Variants in INPP5D observed in about 807,000 individuals in gnomAD.
INPP5D encodes the protein inositol polyphosphate-5-phosphatase D.
INPP5D carries 33 observed loss-of-function variants against 122.9 expected under a neutral mutation model. The observed-to-expected ratio is 0.27, with a 90% CI of 0.20 to 0.36. INPP5D has a LOEUF of 0.36. INPP5D is among the 10% of genes least tolerant of loss of function. The pLI is 1.00. For missense variants in INPP5D, 1,053 were observed against 1,412.7 expected (o/e 0.75, Z 4.08); for synonymous variants, 584 against 576.2 (o/e 1.01, Z -0.19).
chr2:233,153,045 A>T (rs1693960580), intron 9 of INPP5D, among the ~76,000 whole-genome samples: 1 of 152,244 alleles, frequency 6.6e-6, no homozygotes, highest in Admixed American at 6.5e-5. Context: ...AACGTTTCAA[A>T]GGTAGACCAG....
intron 5 of INPP5D, among the ~76,000 whole-genome samples, chr2:233,136,427 C>T (rs1031075273): frequency 1.3e-5 from 2 of 150,762 alleles, no homozygotes; most frequent in African/African-American, 2.5e-5. Flanking sequence ...TGCAGTGAGC[C>T]GAGATGGTGC....
chr2:233,132,995 C>A lies in INPP5D; in HGVS notation c.665+2347C>A, dbSNP rs192852254. On this transcript the variant is annotated intron_variant, in intron 5 of 26. Coordinates refer to ENST00000445964, the MANE Select transcript of INPP5D (RefSeq NM_001017915.3). The stretch of plus-strand genomic sequence containing the variant: ...CCTCAACCTCCTGGGCTCAAGTGAG[C>A]CTCCCACCTCTCAGCCCCTATCCTT... Among the ~76,000 whole-genome samples, 1,014 of 151,236 alleles carry A rather than the reference C, an allele frequency of 6.7e-3. 9 individuals are homozygous for A. Among genetic ancestry groups the A allele is most frequent in the African/African-American group, 0.023 (951 of 41,244 alleles).
chr2:233,201,055 A>T (rs976910307), intron 25 of INPP5D, among the ~76,000 whole-genome samples: 3 of 152,186 alleles, frequency 2.0e-5, no homozygotes, highest in African/African-American at 7.2e-5. Context: ...ACAGGACAGG[A>T]TAGCCCTGAA....
rs762687461 is a variant in INPP5D at position 233,122,095 on chromosome 2, T to A, written c.199-12T>A. 2.5e-6 allele frequency: 4 copies of A among 1,613,522 alleles called. No homozygotes were observed. In the South Asian group the frequency reaches 4.4e-5, roughly 18 times the overall value. On this transcript the variant is annotated splice_polypyrimidine_tract_variant and intron_variant, in intron 2 of 26. Transcript: ENST00000445964. The stretch of plus-strand genomic sequence containing the variant: ...GTTAACATGTGCGTTTGTTTGGATG[T>A]TCTGTCCTCAGGCATCCGAAGGCGT...
At chr2:233,131,856 A>T (rs958725254) in intron 5 of INPP5D, among the ~76,000 whole-genome samples, 1 of 152,206 alleles carries the variant, frequency 6.6e-6, no homozygotes. Flanking sequence ...GGCTGTTTCA[A>T]TCTTAGCTTA....
rs971421616 is a variant in INPP5D, at chr2:233,206,735, G to A, written c.*27G>A. 2.0e-5 allele frequency: 15 copies of A among 766,792 alleles called. No individual in the cohort carries two copies. The highest frequency in any genetic ancestry group is 2.8e-5 in the South Asian group (2 of 72,050). 47.5% of individuals were successfully genotyped at this position (766,792 alleles called of 1,614,324 possible). ...GCCCTCAGTGAGCTGCCACTGAGTCGGGAGCCCAGAGGAACGGCGTGAAGC... is the reference window on the plus strand; with the variant it reads ...GCCCTCAGTGAGCTGCCACTGAGTCAGGAGCCCAGAGGAACGGCGTGAAGC... On this transcript the variant is annotated 3_prime_UTR_variant, in exon 27 of 27. Coordinates refer to ENST00000445964, the MANE Select transcript of INPP5D (RefSeq NM_001017915.3). The surrounding 1 kb of genome is among the most constrained non-coding windows in gnomAD (Gnocchi z 4.0).
Position 233,193,734 on chromosome 2 carries a change from A to G in INPP5D, c.2447-78A>G, listed in dbSNP as rs529086056. On this transcript the variant is annotated intron_variant, in intron 22 of 26. Coordinates refer to ENST00000445964, the MANE Select transcript of INPP5D (RefSeq NM_001017915.3). ...CCTGGGCTATAGTTTCAAAGGACCA[A>G]CTCTCCGGCCAAGAGTTTGGTGTTT... The G allele has an allele frequency of 2.9e-5, 47 of 1,608,902 alleles. No individual in the cohort carries two copies. The African/African-American group carries it at 5.2e-4, about 18-fold the overall frequency.
intron 1 of INPP5D, among the ~76,000 whole-genome samples, chr2:233,071,508 T>C (rs1188052063): frequency 6.6e-6 from 1 of 152,152 alleles, no homozygotes; most frequent in Non-Finnish European, 1.5e-5. Flanking sequence ...ATAAAATATT[T>C]TATTTTAGGT....
Position 233,078,535 on chromosome 2 carries a change from G to A in INPP5D, c.135-800G>A, listed in dbSNP as rs1006425307. Among the ~76,000 whole-genome samples, 10 of 152,322 alleles carry A rather than the reference G, an allele frequency of 6.6e-5. No individual in the cohort carries two copies. The highest frequency in any genetic ancestry group is 4.1e-4 in the South Asian group (2 of 4,826). On this transcript the variant is annotated intron_variant, in intron 1 of 26. Transcript: ENST00000445964. The surrounding 1 kb of genome is among the most constrained non-coding windows in gnomAD (Gnocchi z 4.6). ...ATTTGGGGGTGGCAGGGAGCTCAGC[G>A]GGAACGAGGTGCTGAGTGATCCCTG...
chr2:233,176,938 A>C (rs1037829236), intron 17 of INPP5D, among the ~76,000 whole-genome samples: 1 of 152,072 alleles, frequency 6.6e-6, no homozygotes, highest in African/African-American at 2.4e-5. Flanking sequence ...GTGAGCAGAG[A>C]CTGAGCTGAA....
At position 233,107,908 on chromosome 2, in the gene INPP5D, CTG is replaced by C. The variant is rs555770833; in HGVS notation, c.199-14198_199-14197del. Among the ~76,000 whole-genome samples, 62 of 152,326 alleles carry C rather than the reference CTG, an allele frequency of 4.1e-4. 1 individual carries two copies. The South Asian group carries it at 8.9e-3, about 22-fold the overall frequency. On this transcript the variant is annotated intron_variant, in intron 2 of 26. Coordinates refer to ENST00000445964, the MANE Select transcript of INPP5D (RefSeq NM_001017915.3). ...CTGCCACGGCACTCCCTTCTGCACA[CTG>C]AGATTCTGACCGAGACTGGCATTGG...
intron 5 of INPP5D, chr2:233,131,266 CAA>C (rs1451050963): frequency 6.4e-6 from 2 of 312,024 alleles, no homozygotes; most frequent in African/African-American, 4.5e-5. Context: ...GTTAAAAGTG[CAA>C]AAGTAAGGCT....
At chr2:233,146,866 A>C (rs1693774159) in intron 8 of INPP5D, among the ~76,000 whole-genome samples, 1 of 152,130 alleles carries the variant, frequency 6.6e-6, no homozygotes, top group Non-Finnish European at 1.5e-5. Flanking sequence ...GTTCTTCTTT[A>C]CAATCCCCAG....
chr2:233,122,089 T>G lies in INPP5D; in HGVS notation c.199-18T>G. ...TAGTTGGTTAACATGTGCGTTTGTT[T>G]GGATGTTCTGTCCTCAGGCATCCGA... is the stretch of plus-strand genomic sequence containing the variant. On this transcript the variant is annotated intron_variant, in intron 2 of 26. Transcript: ENST00000445964. The G allele has an allele frequency of 6.2e-7, 1 of 1,613,034 alleles. No homozygotes were observed. Among genetic ancestry groups the G allele is most frequent in the East Asian group, 2.2e-5 (1 of 44,850 alleles).
chr2:233,144,136 G>A (rs1376205548), intron 6 of INPP5D, among the ~76,000 whole-genome samples: 5 of 149,974 alleles, frequency 3.3e-5, no homozygotes, highest in Admixed American at 1.3e-4. Context: ...TCATGATCAC[G>A]GTGGGTCTGG....
rs112571361 is a variant in INPP5D, at chr2:233,073,377, C to T, written c.135-5958C>T. On this transcript the variant is annotated intron_variant, in intron 1 of 26. Transcript: ENST00000445964. ...TCTCTGGACCGGACACAGTGGCTCACGCCTGTAATCCCAGCACTTTGGGAG... is the reference window on the plus strand; with the variant it reads ...TCTCTGGACCGGACACAGTGGCTCATGCCTGTAATCCCAGCACTTTGGGAG... 4.8e-3 allele frequency among the ~76,000 whole-genome samples: 733 copies of T among 152,238 alleles called. 4 individuals are homozygous for T. The highest frequency in any genetic ancestry group is 0.017 in the African/African-American group (699 of 41,538).
In INPP5D at chr2:233,163,814, G is replaced by C; in HGVS notation, c.1348G>C (p.Gly450Arg). 6.2e-7 allele frequency: 1 copy of C among 1,613,868 alleles called. No individual in the cohort carries two copies. The highest frequency in any genetic ancestry group is 8.5e-7 in the Non-Finnish European group (1 of 1,179,870). Residue 450 changes from glycine (G) to arginine (R), a missense_variant, in exon 12 of 27, where the codon GGC becomes CGC. By Grantham distance (125) the Gly-to-Arg change is moderately radical. Around this residue, in one of 6 missense-constraint regions of INPP5D, gnomAD observed 105 missense variants for 199.8 expected, o/e 0.53. Transcript: ENST00000445964. ...CATCCCCCATGACATTTACGTGATCGGCACCCAAGAGGACCCCCTGAGTGA... is the reference window on the plus strand; with the variant it reads ...CATCCCCCATGACATTTACGTGATCCGCACCCAAGAGGACCCCCTGAGTGA... ...DYIPHDIYVI[G>R]TQEDPLSEKE...
Position 233,122,268 on chromosome 2 carries a change from AG to A in INPP5D, c.349+14del, listed in dbSNP as rs1468887096. The stretch of plus-strand genomic sequence containing the variant: ...CTGAGGAGGACACAGGTAGGGAGGG[AG>A]GGACAGGACGGCAGGAGGTACTTTT... On this transcript the variant is annotated intron_variant, in intron 3 of 26. Transcript: ENST00000445964. The A allele has an allele frequency of 6.2e-7, 1 of 1,612,382 alleles. No homozygotes were observed. The highest frequency in any genetic ancestry group is 1.1e-5 in the South Asian group (1 of 90,992).
chr2:233,092,299 T>G (rs1428202256), intron 2 of INPP5D, among the ~76,000 whole-genome samples: 1 of 152,168 alleles, frequency 6.6e-6, no homozygotes, highest in African/African-American at 2.4e-5. Context: ...GTCACTTCTG[T>G]CTTCCCCAGA....
Sources: allele counts gnomAD v4.1 joint callset (sites outside exome capture counted in the v4.1 genomes callset), GRCh38; gene constraint gnomAD v4.1.1; regional missense constraint gnomAD v4.1.1; non-coding constraint Gnocchi (gnomAD v3.1); transcripts MANE v1.5; gene names NCBI Gene and HGNC (gene_info 2026-07-23, HGNC 2026-07-21).